Variants in PABPC4L observed in about 807,000 individuals in gnomAD.
PABPC4L encodes polyadenylate-binding protein 4-like.
For synonymous variants in PABPC4L, 169 were observed against 164.1 expected (o/e 1.03, Z -0.23); for missense variants, 452 against 451.4 (o/e 1.00, Z -0.01).
the PABPC4L span, among the ~76,000 whole-genome samples, chr4:134,041,518 G>A: frequency 5.9e-4 from 90 of 152,096 alleles, 1 homozygote; most frequent in South Asian, 2.3e-3. Context: ...ATAAATGGGA[G>A]TTGAACAATG....
At chr4:134,178,483 G>A in the PABPC4L span, among the ~76,000 whole-genome samples, 1 of 72,264 alleles carries the variant, frequency 1.4e-5, no homozygotes, top group Non-Finnish European at 2.2e-5. Context: ...CAAAAAGCCA[G>A]AGTGTTTTTT....
chr4:134,154,461 T>A, the PABPC4L span, among the ~76,000 whole-genome samples: 244 of 151,918 alleles, frequency 1.6e-3, 3 homozygotes, highest in African/African-American at 5.7e-3. Flanking sequence ...GTTTAAAAAA[T>A]AAATAAATAA....
the PABPC4L span, among the ~76,000 whole-genome samples, chr4:134,029,178 A>C: frequency 2.6e-5 from 4 of 152,152 alleles, no homozygotes; most frequent in Non-Finnish European, 2.9e-5. Flanking sequence ...CATGCTATAG[A>C]TAATGAGAAA....
the PABPC4L span, among the ~76,000 whole-genome samples, chr4:133,988,905 C>A: frequency 6.6e-6 from 1 of 152,138 alleles, no homozygotes; most frequent in Non-Finnish European, 1.5e-5. Flanking sequence ...GTTCCCAAAC[C>A]TAAATTCTTG....
At chr4:134,015,050 C>T in the PABPC4L span, among the ~76,000 whole-genome samples, 59 of 152,140 alleles carry the variant, frequency 3.9e-4, 1 homozygote, top group Admixed American at 9.2e-4. Flanking sequence ...ATCCCCCCAC[C>T]TTAACCCACA....
At chr4:133,970,457 T>A in the PABPC4L span, among the ~76,000 whole-genome samples, 1 of 152,194 alleles carries the variant, frequency 6.6e-6, no homozygotes, top group African/African-American at 2.4e-5. Flanking sequence ...CCCTCTGAGC[T>A]ATGATTGCAT....
the PABPC4L span, among the ~76,000 whole-genome samples, chr4:134,152,157 T>G: frequency 6.6e-6 from 1 of 152,022 alleles, no homozygotes; most frequent in Non-Finnish European, 1.5e-5. Context: ...GTTTACACTC[T>G]TTTTTCTTAA....
Position 134,196,594 on chromosome 4 carries a change from A to G in PABPC4L, c.*3313T>C, listed in dbSNP as rs1037887371. On this transcript the variant is annotated 3_prime_UTR_variant, in exon 2 of 2. Transcript: ENST00000421491. ...AAGTAGAAACAGTGGCTCAAGGCAT[A>G]TCTATGTACATTAGCTTTTACTGGA... The G allele has an allele frequency of 1.3e-5, 2 of 151,758 alleles. No homozygotes were observed. Among genetic ancestry groups the G allele is most frequent in the African/African-American group, 4.8e-5 (2 of 41,446 alleles). The allele number at this position is 151,758 out of a possible 1,614,324, so 9.4% of individuals were successfully genotyped here.
chr4:134,186,026 G>C, the PABPC4L span, among the ~76,000 whole-genome samples: 1 of 152,058 alleles, frequency 6.6e-6, no homozygotes, highest in African/African-American at 2.4e-5. Context: ...ACTGCTCAAA[G>C]AAATAAAAGA....
the PABPC4L span, among the ~76,000 whole-genome samples, chr4:134,120,260 G>GTT: frequency 3.4e-4 from 47 of 138,482 alleles, no homozygotes; most frequent in South Asian, 1.6e-3. Flanking sequence ...TTGTTCTTTG[G>GTT]TTTTTTTTTT....
chr4:133,982,458 C>A, the PABPC4L span, among the ~76,000 whole-genome samples: 1 of 151,986 alleles, frequency 6.6e-6, no homozygotes, highest in South Asian at 2.1e-4. Flanking sequence ...GAAATAGTTG[C>A]TTACTTGAAA....
the PABPC4L span, among the ~76,000 whole-genome samples, chr4:134,167,821 G>A: frequency 6.6e-6 from 1 of 151,994 alleles, no homozygotes; most frequent in Non-Finnish European, 1.5e-5. Context: ...GAGAGAGATA[G>A]GCCCCAATAC....
the PABPC4L span, among the ~76,000 whole-genome samples, chr4:134,178,930 C>T: frequency 2.0e-5 from 3 of 152,034 alleles, no homozygotes; most frequent in Non-Finnish European, 4.4e-5. Flanking sequence ...TCACTGGCAT[C>T]CCTGAGAGAG....
the PABPC4L span, among the ~76,000 whole-genome samples, chr4:134,166,114 C>T: frequency 1.3e-5 from 2 of 151,980 alleles, no homozygotes; most frequent in East Asian, 3.9e-4. Context: ...CAACGGACAC[C>T]ACAGAGGCAG....
the PABPC4L span, among the ~76,000 whole-genome samples, chr4:134,111,700 A>G: frequency 6.6e-6 from 1 of 151,860 alleles, no homozygotes; most frequent in East Asian, 1.9e-4. Context: ...ATGAGATCCG[A>G]TGGGTTTATC....
chr4:134,180,252 TA>T, the PABPC4L span, among the ~76,000 whole-genome samples: 1 of 151,524 alleles, frequency 6.6e-6, no homozygotes, highest in Admixed American at 6.6e-5. Flanking sequence ...CTCAATACAA[TA>T]ATATGGAAAC....
the PABPC4L span, among the ~76,000 whole-genome samples, chr4:133,968,022 AAGACCT>A: frequency 6.6e-6 from 1 of 152,204 alleles, no homozygotes; most frequent in Non-Finnish European, 1.5e-5. Flanking sequence ...TATCACTGAT[AAGACCT>A]AGATTGGATG....
the PABPC4L span, among the ~76,000 whole-genome samples, chr4:134,042,600 G>A: frequency 6.6e-6 from 1 of 152,202 alleles, no homozygotes; most frequent in East Asian, 1.9e-4. Context: ...GAGGGGGAAG[G>A]GAACACTATT....
At chr4:134,147,291 A>T in the PABPC4L span, among the ~76,000 whole-genome samples, 1 of 152,110 alleles carries the variant, frequency 6.6e-6, no homozygotes, top group Non-Finnish European at 1.5e-5. Flanking sequence ...TATAGAAATA[A>T]TAAGTAGAAA....
Sources: allele counts gnomAD v4.1 joint callset (sites outside exome capture counted in the v4.1 genomes callset), GRCh38; gene constraint gnomAD v4.1.1; transcripts MANE v1.5; gene names NCBI Gene and HGNC (gene_info 2026-07-23, HGNC 2026-07-21).